The following ADAD1 variants were observed in gnomAD, a reference collection of about 807,000 sequenced individuals.
The protein encoded by ADAD1 is adenosine deaminase domain containing 1, also known as adenosine deaminase domain-containing protein 1.
Under a neutral mutation model 66.8 loss-of-function variants are expected in ADAD1, and 46 were observed. That is an observed-to-expected ratio of 0.69 (90% CI 0.54 to 0.88). The LOEUF (loss-of-function observed/expected upper bound fraction) is 0.88, where lower values mean the gene tolerates loss of function less well. Among genes scored for constraint, ADAD1 ranks in the 40% least tolerant of loss-of-function variants. ADAD1 has a pLI of 0.00. For synonymous variants in ADAD1, 248 were observed against 229.4 expected (o/e 1.08, Z -0.73); for missense variants, 617 against 681.8 (o/e 0.91, Z 1.06).
At chr4:122,405,499 G>A (rs913294911) in intron 7 of ADAD1, among the ~76,000 whole-genome samples, 2 of 152,092 alleles carry the variant, frequency 1.3e-5, no homozygotes, top group Admixed American at 6.5e-5. Context: ...AGTGGATTTT[G>A]TTACCTATTC....
intron 5 of ADAD1, 29 bp from the exon 6 acceptor site, chr4:122,393,560 G>T (rs1356803779): frequency 1.3e-6 from 2 of 1,541,108 alleles, no homozygotes; most frequent in African/African-American, 2.8e-5. Context: ...GAAGTTTCAT[G>T]TTTCCTTATG....
At chr4:122,412,432 T>C in intron 9 of ADAD1, 148 bp from the exon 10 acceptor site, 1 of 649,292 alleles carries the variant, frequency 1.5e-6, no homozygotes, top group Non-Finnish European at 2.6e-6. Flanking sequence ...ACTCCACTCC[T>C]ACCTTGCTTT....
chr4:122,402,639 T>C (rs1328319260), intron 7 of ADAD1, among the ~76,000 whole-genome samples: 1 of 151,970 alleles, frequency 6.6e-6, no homozygotes, highest in East Asian at 1.9e-4. Context: ...ATAGTTATTA[T>C]GTTTAGTCAT....
At chr4:122,411,534 A>G in intron 9 of ADAD1, 142 bp downstream of exon 9, 1 of 800,082 alleles carries the variant, frequency 1.2e-6, no homozygotes, top group Non-Finnish European at 1.9e-6. Context: ...GGCCTGCAGG[A>G]GACCCCAAAT....
In ADAD1 at chr4:122,412,938, C is replaced by A. The variant is rs575501273; in HGVS notation, c.1249+129C>A. On this transcript the variant is annotated intron_variant, in intron 10 of 12. Transcript: ENST00000296513. ...CTTTATTTAAGGTCAAAACACAGAT[C>A]TGCTGTTTTGTAGAGCTGTTGGTTT... The A allele has an allele frequency of 3.5e-5, 25 of 719,096 alleles. 1 individual carries two copies. In the South Asian group the frequency reaches 4.7e-4, roughly 14 times the overall value. The allele number at this position is 719,096 out of a possible 1,614,324, so 44.5% of individuals were successfully genotyped here.
intron 10 of ADAD1, among the ~76,000 whole-genome samples, chr4:122,413,851 C>CATGTATATATATATATATATATATATAT (rs1553924508): frequency 7.9e-6 from 1 of 126,604 alleles, no homozygotes; most frequent in Non-Finnish European, 1.7e-5. Flanking sequence ...TATGATAGAT[C>CATGTATATATATATATATATATATATAT]ATATATATAT....
intron 7 of ADAD1, among the ~76,000 whole-genome samples, chr4:122,398,016 T>G (rs1795795013): frequency 6.6e-6 from 1 of 152,130 alleles, no homozygotes; most frequent in Non-Finnish European, 1.5e-5. Context: ...TTCAGTAGTT[T>G]TGGGGGAATG....
chr4:122,419,276 G>A (rs556115126), intron 11 of ADAD1, among the ~76,000 whole-genome samples: 31 of 152,186 alleles, frequency 2.0e-4, no homozygotes, highest in Non-Finnish European at 4.3e-4. Flanking sequence ...ATGAACATGG[G>A]AACAGAAAAC....
chr4:122,402,057 GTT>G (rs143976312), intron 7 of ADAD1, among the ~76,000 whole-genome samples: 3 of 147,674 alleles, frequency 2.0e-5, no homozygotes, highest in Non-Finnish European at 3.0e-5. Context: ...TACCTTGGGT[GTT>G]TTTTTTTTAA....
intron 7 of ADAD1, among the ~76,000 whole-genome samples, chr4:122,400,986 G>A (rs1021096168): frequency 6.6e-6 from 1 of 151,504 alleles, no homozygotes; most frequent in African/African-American, 2.4e-5. Context: ...GGTGTTTTTT[G>A]TTTCAATTTT....
chr4:122,386,829 G>A (rs1183078969), intron 5 of ADAD1, among the ~76,000 whole-genome samples: 1 of 152,052 alleles, frequency 6.6e-6, no homozygotes, highest in Non-Finnish European at 1.5e-5. Flanking sequence ...TCAGTTTGTT[G>A]AAGATCAGAT....
chr4:122,417,930 A>G (rs1197281366), intron 11 of ADAD1, among the ~76,000 whole-genome samples: 3 of 152,232 alleles, frequency 2.0e-5, no homozygotes, highest in East Asian at 3.8e-4. Context: ...CAGAATATTT[A>G]GAAAATAGGG....
At chr4:122,429,324 A>G (rs542448472) in intron 12 of ADAD1, among the ~76,000 whole-genome samples, 24 of 151,930 alleles carry the variant, frequency 1.6e-4, no homozygotes, top group Admixed American at 9.2e-4. Flanking sequence ...AGTCCTAGCA[A>G]CTCAGGAGGC....
chr4:122,383,722 G>A, intron 4 of ADAD1, 77 bp from the exon 5 acceptor site: 1 of 1,421,194 alleles, frequency 7.0e-7, no homozygotes, highest in Non-Finnish European at 9.3e-7. Context: ...GTACTGGAAT[G>A]TTTTCCTATG....
At chr4:122,384,524 G>C (rs1795068119) in intron 5 of ADAD1, among the ~76,000 whole-genome samples, 3 of 152,142 alleles carry the variant, frequency 2.0e-5, no homozygotes, top group Admixed American at 2.0e-4. Context: ...TTGTCATTAG[G>C]ATTAGATAAA....
At chr4:122,404,190 C>G (rs973254306) in intron 7 of ADAD1, among the ~76,000 whole-genome samples, 1 of 152,132 alleles carries the variant, frequency 6.6e-6, no homozygotes, top group Non-Finnish European at 1.5e-5. Context: ...CCATTCACCC[C>G]CATGGATTCT....
intron 7 of ADAD1, 36 bp downstream of exon 7, chr4:122,396,413 A>G: frequency 6.6e-7 from 1 of 1,504,122 alleles, no homozygotes; most frequent in Non-Finnish European, 9.0e-7. Context: ...TAATATTGTA[A>G]TAATCTAATA....
intron 7 of ADAD1, among the ~76,000 whole-genome samples, chr4:122,401,997 T>A (rs1328272110): frequency 1.3e-5 from 2 of 152,060 alleles, no homozygotes; most frequent in Non-Finnish European, 2.9e-5. Flanking sequence ...ACAACATTAG[T>A]CTTGAGATAT....
At chr4:122,410,497 T>A (rs940534349) in intron 8 of ADAD1, among the ~76,000 whole-genome samples, 32 of 152,324 alleles carry the variant, frequency 2.1e-4, no homozygotes, top group Non-Finnish European at 2.6e-4. Context: ...ATTTGAATTT[T>A]AAAATTTTTA....
Sources: allele counts gnomAD v4.1 joint callset (sites outside exome capture counted in the v4.1 genomes callset), GRCh38; gene constraint gnomAD v4.1.1; transcripts MANE v1.5; gene names NCBI Gene and HGNC (gene_info 2026-07-23, HGNC 2026-07-21).